Variants in GALNT13 observed in about 807,000 individuals in gnomAD.
The protein encoded by GALNT13 is UDP-GalNAc:polypeptide N-acetylgalactosaminyltransferase 13.
Under a neutral mutation model 64.2 loss-of-function variants are expected in GALNT13, and 28 were observed. The ratio of observed to expected loss-of-function variants is 0.44; its 90% CI spans 0.32 to 0.60. GALNT13 has a LOEUF of 0.60. Ranked by LOEUF, GALNT13 falls within the 20% of genes least tolerant of loss-of-function variation. The probability of loss-of-function intolerance (pLI) is 0.05; values close to 1 mark genes in which losing one functional copy is unlikely to be tolerated. For missense variants in GALNT13, 577 were observed against 669.8 expected (o/e 0.86, Z 1.53); for synonymous variants, 214 against 224.6 (o/e 0.95, Z 0.42).
At chr2:153,280,548 G>T in the GALNT13 span, among the ~76,000 whole-genome samples, 8 of 152,186 alleles carry the variant, frequency 5.3e-5, no homozygotes, top group Non-Finnish European at 1.0e-4. Flanking sequence ...ATATCCCAGA[G>T]ATTTTGGTAT....
chr2:154,400,193 C>A (rs1441373838), intron 10 of GALNT13, among the ~76,000 whole-genome samples: 1 of 152,086 alleles, frequency 6.6e-6, no homozygotes, highest in Non-Finnish European at 1.5e-5. Context: ...CTGTTATTAA[C>A]CTTTATTGGA....
chr2:154,414,477 A>G (rs566704339), intron 11 of GALNT13, among the ~76,000 whole-genome samples: 26 of 151,086 alleles, frequency 1.7e-4, no homozygotes, highest in Non-Finnish European at 3.2e-4. Context: ...TTCCAGGATT[A>G]TAATCGCAGT....
chr2:153,265,425 C>G, the GALNT13 span, among the ~76,000 whole-genome samples: 196 of 152,248 alleles, frequency 1.3e-3, no homozygotes, highest in Middle Eastern at 3.4e-3. Context: ...TGAGTTCTGC[C>G]TGTGTTGCTT....
At chr2:154,167,412 A>T (rs560429063) in intron 4 of GALNT13, among the ~76,000 whole-genome samples, 2 of 152,192 alleles carry the variant, frequency 1.3e-5, no homozygotes, top group African/African-American at 2.4e-5. Flanking sequence ...TCTATTACTA[A>T]CTGAACTTTG....
At chr2:153,538,481 G>A in the GALNT13 span, among the ~76,000 whole-genome samples, 44 of 118,666 alleles carry the variant, frequency 3.7e-4, no homozygotes, top group African/African-American at 1.4e-3. Flanking sequence ...ATGCTGGTGC[G>A]CTGCACCCAC....
At chr2:153,780,260 C>CATATATATATATATATGCAT in the GALNT13 span, among the ~76,000 whole-genome samples, 5 of 115,294 alleles carry the variant, frequency 4.3e-5, no homozygotes, top group South Asian at 3.1e-4. Context: ...TATATATATG[C>CATATATATATATATATGCAT]ATATATATAT....
chr2:153,538,326 C>CTTTTTTTTTTTTTTTTTTTTTTTTTAT, the GALNT13 span, among the ~76,000 whole-genome samples: 1 of 100,846 alleles, frequency 9.9e-6, no homozygotes, highest in African/African-American at 3.5e-5. Context: ...TTTTTTAATT[C>CTTTTTTTTTTTTTTTTTTTTTTTTTAT]TTTTTTTTTT....
the GALNT13 span, among the ~76,000 whole-genome samples, chr2:153,417,812 G>A: frequency 6.6e-6 from 1 of 152,056 alleles, no homozygotes; most frequent in African/African-American, 2.4e-5. Flanking sequence ...AGTCCAGGAT[G>A]AATATATACC....
At position 154,007,338 on chromosome 2, in the gene GALNT13, G is replaced by T. The variant is rs925759817; in HGVS notation, c.142+62699G>T. ...AAACTCCAGAAAGGAGCAAGGCCTG[G>T]CCAACACCTTGATTTTGGTTTTGTG... On this transcript the variant is annotated intron_variant, in intron 3 of 12. Coordinates refer to ENST00000392825, the MANE Select transcript of GALNT13 (RefSeq NM_052917.4). 2.7e-5 allele frequency among the ~76,000 whole-genome samples: 4 copies of T among 149,822 alleles called. 1 individual carries two copies. Among genetic ancestry groups the T allele is most frequent in the Non-Finnish European group, 6.0e-5 (4 of 66,316 alleles).
At chr2:153,149,147 G>A in the GALNT13 span, among the ~76,000 whole-genome samples, 2 of 151,842 alleles carry the variant, frequency 1.3e-5, no homozygotes, top group Non-Finnish European at 2.9e-5. Flanking sequence ...GTTAGTGTAT[G>A]TTGAACATTA....
chr2:154,129,759 C>A (rs568226238), intron 3 of GALNT13, among the ~76,000 whole-genome samples: 46 of 152,154 alleles, frequency 3.0e-4, no homozygotes, highest in Non-Finnish European at 6.0e-4. Flanking sequence ...TGATTCATTA[C>A]AAATTCATAC....
the GALNT13 span, among the ~76,000 whole-genome samples, chr2:153,781,729 C>T: frequency 3.3e-5 from 5 of 151,628 alleles, no homozygotes; most frequent in Non-Finnish European, 5.9e-5. Context: ...GCAGATTTAA[C>T]ATTTTCTGTT....
At chr2:153,780,238 T>TATATATATATATGC in the GALNT13 span, among the ~76,000 whole-genome samples, 2 of 15,096 alleles carry the variant, frequency 1.3e-4, no homozygotes, top group African/African-American at 2.8e-4. Context: ...TATATATATA[T>TATATATATATATGC]ATATATATAT....
chr2:153,866,428 A>AT, the GALNT13 span, among the ~76,000 whole-genome samples: 36 of 151,974 alleles, frequency 2.4e-4, no homozygotes, highest in African/African-American at 8.7e-4. Context: ...AAATAAATCT[A>AT]TTTTTTTTGC....
the GALNT13 span, among the ~76,000 whole-genome samples, chr2:153,110,624 C>A: frequency 1.3e-5 from 2 of 152,052 alleles, no homozygotes; most frequent in African/African-American, 4.8e-5. Context: ...AGACTAATGT[C>A]TTGGAACCTG....
intron 3 of GALNT13, among the ~76,000 whole-genome samples, chr2:154,041,923 T>C (rs1277138929): frequency 7.1e-6 from 1 of 140,548 alleles, no homozygotes; most frequent in African/African-American, 2.4e-5. Flanking sequence ...AACCGAGATA[T>C]GATTTTTAGT....
intron 8 of GALNT13, among the ~76,000 whole-genome samples, chr2:154,301,002 C>T (rs1053078423): frequency 6.6e-6 from 1 of 152,058 alleles, no homozygotes; most frequent in Non-Finnish European, 1.5e-5. Flanking sequence ...AATGAATGAT[C>T]GTTTATAATT....
At chr2:154,429,389 A>T (rs1700611633) in intron 11 of GALNT13, among the ~76,000 whole-genome samples, 1 of 152,214 alleles carries the variant, frequency 6.6e-6, no homozygotes, top group Non-Finnish European at 1.5e-5. Flanking sequence ...ATATAGAGAC[A>T]GTTTTAGTGG....
At chr2:154,183,642 G>T (rs1387524242) in intron 4 of GALNT13, among the ~76,000 whole-genome samples, 1 of 152,068 alleles carries the variant, frequency 6.6e-6, no homozygotes, top group Non-Finnish European at 1.5e-5. Flanking sequence ...AGCCCAGGAA[G>T]TAAAGGCTGC....
Sources: gnomAD v4.1 joint callset for allele counts (sites outside exome capture counted in the v4.1 genomes callset) on GRCh38, gnomAD v4.1.1 for gene constraint, MANE v1.5 for transcripts, NCBI Gene and HGNC (gene_info 2026-07-23, HGNC 2026-07-21) for gene names.